The following ADGRV1 variants were observed in gnomAD, a reference collection of about 807,000 sequenced individuals.
ADGRV1 encodes adhesion G protein-coupled receptor V1.
ADGRV1 carries 359 observed loss-of-function variants against 596.2 expected under a neutral mutation model. The observed-to-expected ratio is 0.60, with a 90% CI of 0.55 to 0.66. ADGRV1 has a LOEUF of 0.66. Among genes scored for constraint, ADGRV1 ranks in the 30% least tolerant of loss-of-function variants. The probability of loss-of-function intolerance (pLI) is 0.00; values close to 1 mark genes in which losing one functional copy is unlikely to be tolerated. For synonymous variants in ADGRV1, 2,681 were observed against 2,679.2 expected (o/e 1.00, Z -0.02); for missense variants, 7,274 against 7,575.6 (o/e 0.96, Z 1.48).
At chr5:90,670,415 C>T (rs1375631755) in intron 21 of ADGRV1, among the ~76,000 whole-genome samples, 2 of 152,178 alleles carry the variant, frequency 1.3e-5, no homozygotes, top group Admixed American at 6.5e-5. Context: ...CAACCCTGAG[C>T]AGTGCTTATG....
chr5:90,928,424 C>A lies in ADGRV1; in HGVS notation c.17857-36991C>A, dbSNP rs572436546. On this transcript the variant is annotated intron_variant, in intron 83 of 89. Coordinates refer to ENST00000405460, the MANE Select transcript of ADGRV1 (RefSeq NM_032119.4). ...TACCCTTTCTTCCAGTTGATCGCAT[C>A]GGCTCCTGAGGCTTCTGCATTCTTC... 1.5e-4 allele frequency among the ~76,000 whole-genome samples: 22 copies of A among 151,144 alleles called. No individual in the cohort carries two copies. The East Asian group carries it at 4.3e-3, about 29-fold the overall frequency.
chr5:90,616,060 A>G (rs114592446), intron 2 of ADGRV1, among the ~76,000 whole-genome samples: 1,806 of 152,112 alleles, frequency 0.012, 16 homozygotes, highest in Non-Finnish European at 0.019. Context: ...GTGGCTCTTG[A>G]TAACTCTTTC....
At chr5:90,660,473 C>T (rs1461538233) in intron 21 of ADGRV1, among the ~76,000 whole-genome samples, 2 of 152,150 alleles carry the variant, frequency 1.3e-5, no homozygotes, top group Non-Finnish European at 2.9e-5. Flanking sequence ...ATAAAGACTA[C>T]AGCCACTTCC....
At chr5:90,698,342 A>G (rs559171013) in intron 34 of ADGRV1, among the ~76,000 whole-genome samples, 2 of 152,168 alleles carry the variant, frequency 1.3e-5, no homozygotes, top group South Asian at 2.1e-4. Flanking sequence ...GTCCTATGAT[A>G]TAGGTATAAT....
At chr5:91,007,340 A>G (rs1190312915) in intron 85 of ADGRV1, among the ~76,000 whole-genome samples, 1 of 152,110 alleles carries the variant, frequency 6.6e-6, no homozygotes. Flanking sequence ...TTTTTAACAT[A>G]TACTCATAGT....
chr5:90,612,306 A>G (rs2152044691), intron 1 of ADGRV1, among the ~76,000 whole-genome samples: 1 of 152,210 alleles, frequency 6.6e-6, no homozygotes, highest in South Asian at 2.1e-4. Context: ...CTTTTAGGAG[A>G]TTCATAATTA....
intron 83 of ADGRV1, among the ~76,000 whole-genome samples, chr5:90,931,731 C>T (rs936159727): frequency 2.6e-5 from 4 of 152,170 alleles, no homozygotes; most frequent in Admixed American, 2.0e-4. Context: ...TTAATTCCTA[C>T]TTGTTAGTCT....
intron 5 of ADGRV1, among the ~76,000 whole-genome samples, chr5:90,623,742 A>G (rs936008404): frequency 3.9e-5 from 6 of 152,002 alleles, no homozygotes; most frequent in African/African-American, 1.4e-4. Context: ...AGTACACCAA[A>G]TGGATGGTGT....
chr5:90,573,030 T>C (rs938167921), intron 1 of ADGRV1, among the ~76,000 whole-genome samples: 1 of 152,176 alleles, frequency 6.6e-6, no homozygotes, highest in Non-Finnish European at 1.5e-5. Flanking sequence ...AGGTTTCCCT[T>C]AGATCTCTCC....
chr5:91,139,179 A>G (rs1321255314), intron 87 of ADGRV1, among the ~76,000 whole-genome samples: 1 of 152,254 alleles, frequency 6.6e-6, no homozygotes. Context: ...TACGTGGACT[A>G]TATCATTGTC....
intron 70 of ADGRV1, among the ~76,000 whole-genome samples, chr5:90,802,110 A>G (rs1009545095): frequency 2.0e-5 from 3 of 152,202 alleles, no homozygotes; most frequent in Non-Finnish European, 4.4e-5. Context: ...TTGATACTTG[A>G]TCCTATCATG....
intron 85 of ADGRV1, among the ~76,000 whole-genome samples, chr5:91,033,415 C>T (rs1293135494): frequency 1.3e-5 from 2 of 152,142 alleles, no homozygotes; most frequent in Non-Finnish European, 2.9e-5. Flanking sequence ...TGTTCCTGAT[C>T]TCTGTGAATA....
chr5:90,880,380 T>C (rs1023633419), intron 83 of ADGRV1, among the ~76,000 whole-genome samples: 1 of 152,192 alleles, frequency 6.6e-6, no homozygotes, highest in Admixed American at 6.5e-5. Context: ...TTTAATCAGA[T>C]AGATGGAATT....
chr5:91,119,172 G>GA (rs112436987), intron 87 of ADGRV1, among the ~76,000 whole-genome samples: 9,354 of 152,086 alleles, frequency 0.062, 914 homozygotes, highest in African/African-American at 0.21. Context: ...TTTATTTTTA[G>GA]AGACATGGTG....
At chr5:90,919,793 G>A (rs1206178377) in intron 83 of ADGRV1, among the ~76,000 whole-genome samples, 1 of 152,102 alleles carries the variant, frequency 6.6e-6, no homozygotes, top group Admixed American at 6.5e-5. Flanking sequence ...TCAGGAGTTC[G>A]AGACCAGCCT....
At chr5:91,103,873 G>A (rs1196657870) in intron 87 of ADGRV1, among the ~76,000 whole-genome samples, 1 of 152,148 alleles carries the variant, frequency 6.6e-6, no homozygotes, top group Admixed American at 6.5e-5. Flanking sequence ...GCTGCAAGAA[G>A]GGAAAATGAC....
intron 70 of ADGRV1, among the ~76,000 whole-genome samples, chr5:90,795,218 C>G (rs1046825923): frequency 7.2e-5 from 11 of 152,024 alleles, no homozygotes; most frequent in African/African-American, 2.4e-4. Context: ...GGTCCCACCC[C>G]CAAGGAGCCC....
chr5:90,612,773 C>T (rs16868839), intron 1 of ADGRV1, among the ~76,000 whole-genome samples: 27,598 of 151,928 alleles, frequency 0.18, 2,686 homozygotes, highest in East Asian at 0.4. Flanking sequence ...TGAGGAAGTT[C>T]GCACATATAG....
intron 87 of ADGRV1, among the ~76,000 whole-genome samples, chr5:91,119,288 C>T (rs576743168): frequency 6.6e-6 from 1 of 152,252 alleles, no homozygotes; most frequent in African/African-American, 2.4e-5. Flanking sequence ...CTGGCAGGTG[C>T]TGTGAGGAAT....
Sources: allele counts gnomAD v4.1 joint callset (sites outside exome capture counted in the v4.1 genomes callset), GRCh38; gene constraint gnomAD v4.1.1; transcripts MANE v1.5; gene names NCBI Gene and HGNC (gene_info 2026-07-23, HGNC 2026-07-21).